Variants in SLF1 observed in about 807,000 individuals in gnomAD.
SLF1 encodes the protein SMC5-SMC6 complex localization factor protein 1.
In SLF1, 105 loss-of-function variants were observed where a neutral mutation model predicts 123.0. The observed-to-expected ratio is 0.85, with a 90% CI of 0.73 to 1.00. The LOEUF (loss-of-function observed/expected upper bound fraction) is 1.00. Ranked by LOEUF, SLF1 falls within the 50% of genes least tolerant of loss-of-function variation. The pLI, the probability that SLF1 is intolerant of heterozygous loss-of-function variation, is 0.00. For missense variants in SLF1, 1,239 were observed against 1,223.0 expected, an observed-to-expected ratio of 1.01 and a Z score of -0.20; for synonymous variants, 434 against 406.6, an observed-to-expected ratio of 1.07 and a Z score of -0.81.
chr5:94,639,947 A>G (rs955010404), intron 4 of SLF1, among the ~76,000 whole-genome samples: 2 of 151,872 alleles, frequency 1.3e-5, no homozygotes, highest in Admixed American at 6.5e-5. Flanking sequence ...TTGTTCTTCT[A>G]TCCTTTTTTC....
intron 4 of SLF1, among the ~76,000 whole-genome samples, chr5:94,640,517 T>C (rs188060072): frequency 1.4e-4 from 21 of 152,296 alleles, no homozygotes; most frequent in African/African-American, 4.1e-4. Flanking sequence ...TGAGCTTGTG[T>C]ATGTGGAGTT....
chr5:94,653,542 T>A (rs1747997125), intron 8 of SLF1, 121 bp downstream of exon 8: 1 of 828,180 alleles, frequency 1.2e-6, no homozygotes, highest in African/African-American at 1.8e-5. Flanking sequence ...GGTGTAATAT[T>A]CATAGTTAAT....
At chr5:94,687,996 T>A (rs1450799869) in intron 16 of SLF1, among the ~76,000 whole-genome samples, 2 of 147,614 alleles carry the variant, frequency 1.4e-5, no homozygotes, top group Non-Finnish European at 3.0e-5. Context: ...AAGGCAATAT[T>A]AATTTAGATA....
intron 1 of SLF1, among the ~76,000 whole-genome samples, chr5:94,626,310 A>G (rs983885428): frequency 6.6e-6 from 1 of 152,128 alleles, no homozygotes; most frequent in Non-Finnish European, 1.5e-5. Context: ...TCCTTATACA[A>G]GAAGCTTGAT....
intron 6 of SLF1, among the ~76,000 whole-genome samples, chr5:94,651,358 T>G (rs984298004): frequency 4.6e-5 from 7 of 152,230 alleles, no homozygotes; most frequent in African/African-American, 1.7e-4. Context: ...TTTTTAGGAC[T>G]CAAATTATGT....
intron 12 of SLF1, among the ~76,000 whole-genome samples, chr5:94,666,370 G>A (rs569399556): frequency 8.5e-4 from 130 of 152,278 alleles, no homozygotes; most frequent in African/African-American, 3.0e-3. Context: ...CACCAAAAGT[G>A]TAGACATTTG....
At chr5:94,624,787 C>T (rs1429477356) in intron 1 of SLF1, among the ~76,000 whole-genome samples, 1 of 151,604 alleles carries the variant, frequency 6.6e-6, no homozygotes, top group Non-Finnish European at 1.5e-5. Context: ...TTAAAACCAC[C>T]CAGACTTCTT....
intron 12 of SLF1, among the ~76,000 whole-genome samples, chr5:94,669,947 T>C (rs779953154): frequency 3.4e-4 from 51 of 151,786 alleles, no homozygotes; most frequent in South Asian, 6.2e-4. Context: ...TTAGATCTAT[T>C]TATTAAGAAT....
At chr5:94,627,598 A>ATGT (rs1561418970) in intron 1 of SLF1, among the ~76,000 whole-genome samples, 1 of 124,618 alleles carries the variant, frequency 8.0e-6, no homozygotes, top group Non-Finnish European at 1.7e-5. Flanking sequence ...ATATATATAT[A>ATGT]TATATATATA....
intron 1 of SLF1, among the ~76,000 whole-genome samples, chr5:94,619,556 A>C (rs957894138): frequency 6.6e-6 from 1 of 152,094 alleles, no homozygotes; most frequent in African/African-American, 2.4e-5. Context: ...AGTTAGATGG[A>C]GCTTGATTTT....
At chr5:94,619,369 A>C (rs1055380405) in intron 1 of SLF1, among the ~76,000 whole-genome samples, 1 of 151,724 alleles carries the variant, frequency 6.6e-6, no homozygotes, top group Non-Finnish European at 1.5e-5. Flanking sequence ...ACACACATAC[A>C]CTTTTCGCTG....
chr5:94,693,765 T>G (rs949590033), intron 20 of SLF1, among the ~76,000 whole-genome samples: 7 of 151,862 alleles, frequency 4.6e-5, no homozygotes, highest in African/African-American at 1.7e-4. Context: ...TTTTTTTTTT[T>G]TTTTAAACAG....
intron 4 of SLF1, among the ~76,000 whole-genome samples, chr5:94,641,162 G>A (rs939828907): frequency 6.6e-6 from 1 of 152,102 alleles, no homozygotes; most frequent in African/African-American, 2.4e-5. Context: ...TAGTGCTATG[G>A]TGAATGTTGT....
At chr5:94,625,220 T>C (rs566662222) in intron 1 of SLF1, among the ~76,000 whole-genome samples, 63 of 150,094 alleles carry the variant, frequency 4.2e-4, no homozygotes, top group Non-Finnish European at 7.1e-4. Context: ...TATTAAACAA[T>C]AAAAAACTCT....
intron 5 of SLF1, among the ~76,000 whole-genome samples, chr5:94,646,271 A>AT (rs1360245023): frequency 1.3e-5 from 2 of 152,138 alleles, no homozygotes; most frequent in Non-Finnish European, 2.9e-5. Flanking sequence ...GTAACATTGT[A>AT]TTTTTTAAAA....
intron 20 of SLF1, 58 bp from the exon 21 acceptor site, chr5:94,694,773 G>A: frequency 6.6e-7 from 1 of 1,511,632 alleles, no homozygotes. Context: ...GAAAAGAGCT[G>A]TTAAGCTGCC....
intron 1 of SLF1, among the ~76,000 whole-genome samples, chr5:94,621,767 C>G (rs17328331): frequency 0.074 from 11,280 of 152,096 alleles, 463 homozygotes; most frequent in South Asian, 0.12. Flanking sequence ...TTCCTTCTAG[C>G]GCTAAATTTG....
intron 17 of SLF1, among the ~76,000 whole-genome samples, chr5:94,689,045 A>C (rs1752767333): frequency 6.6e-6 from 1 of 152,224 alleles, no homozygotes; most frequent in Admixed American, 6.5e-5. Flanking sequence ...AACCTCTAAA[A>C]GTATAAGGTG....
chr5:94,659,999 T>G lies in SLF1; in HGVS notation c.1156-2299T>G, dbSNP rs879771966. ...GCCAGGTGGCACATGTGGGTGGTTATCAGCAGCAGCAGCTTGACATGCTCA... is the reference window on the plus strand; with the variant it reads ...GCCAGGTGGCACATGTGGGTGGTTAGCAGCAGCAGCAGCTTGACATGCTCA... On this transcript the variant is annotated intron_variant, in intron 9 of 20. Coordinates refer to ENST00000265140, the MANE Select transcript of SLF1 (RefSeq NM_032290.4). Among the ~76,000 whole-genome samples the G allele has an allele frequency of 2.6e-4, 39 of 152,212 alleles. 1 individual carries two copies. The highest frequency in any genetic ancestry group is 3.4e-3 in the Middle Eastern group (1 of 294).
Sources: gnomAD v4.1 joint callset for allele counts (sites outside exome capture counted in the v4.1 genomes callset) on GRCh38, gnomAD v4.1.1 for gene constraint, MANE v1.5 for transcripts, NCBI Gene and HGNC (gene_info 2026-07-23, HGNC 2026-07-21) for gene names.